The following TRAF3IP1 variants were observed in gnomAD, a reference collection of about 807,000 sequenced individuals.
TRAF3IP1 encodes the protein intraflagellar transport 54, also known as TRAF3-interacting protein 1.
A neutral mutation model predicts 89.9 loss-of-function variants in TRAF3IP1; 53 were observed. That is an observed-to-expected ratio of 0.59 (90% confidence interval 0.47 to 0.74). The LOEUF is 0.74. TRAF3IP1 is among the 30% of genes least tolerant of loss of function. The pLI is 0.00. For synonymous variants in TRAF3IP1, 311 were observed against 322.1 expected, an observed-to-expected ratio of 0.97 and a Z score of 0.37; for missense variants, 806 against 866.1, an observed-to-expected ratio of 0.93 and a Z score of 0.87.
At chr2:238,349,590 A>G (rs1229972883) in intron 12 of TRAF3IP1, among the ~76,000 whole-genome samples, 182 bp downstream of exon 12, 1 of 152,224 alleles carries the variant, frequency 6.6e-6, no homozygotes, top group Non-Finnish European at 1.5e-5. Flanking sequence ...CAGATGGATG[A>G]AAGAGAAAAA....
intron 14 of TRAF3IP1, 46 bp from the exon 15 acceptor site, chr2:238,355,958 G>C (rs749039639): frequency 6.9e-7 from 1 of 1,450,264 alleles, no homozygotes; most frequent in South Asian, 1.2e-5. Context: ...TAGGTTTTTG[G>C]GATAGAGAAT....
intron 5 of TRAF3IP1, among the ~76,000 whole-genome samples, chr2:238,330,198 T>TATTAAGGATTAAGG (rs1698052036): frequency 6.6e-6 from 1 of 152,216 alleles, no homozygotes; most frequent in Non-Finnish European, 1.5e-5. Flanking sequence ...ATTGCTCAGT[T>TATTAAGGATTAAGG]ATTAAGGATT....
At chr2:238,360,548 C>T (rs1314595787) in intron 15 of TRAF3IP1, among the ~76,000 whole-genome samples, 2 of 152,184 alleles carry the variant, frequency 1.3e-5, no homozygotes, top group African/African-American at 4.8e-5. Flanking sequence ...ATAAGAGTTT[C>T]AGTTCCTTCA....
chr2:238,332,752 A>G, intron 5 of TRAF3IP1, 72 bp from the exon 6 acceptor site: 1 of 1,170,756 alleles, frequency 8.5e-7, no homozygotes, highest in South Asian at 1.3e-5. Context: ...GTTATAGAAA[A>G]TATCTTGGCA....
At chr2:238,321,468 T>G (rs1413276096) in intron 1 of TRAF3IP1, among the ~76,000 whole-genome samples, 2 of 152,196 alleles carry the variant, frequency 1.3e-5, no homozygotes, top group Non-Finnish European at 2.9e-5. Flanking sequence ...GTAGGGGGAC[T>G]TGGCAGGAAA....
chr2:238,356,083 A>T lies in TRAF3IP1; in HGVS notation c.1689+3A>T. On this transcript the variant is annotated splice_donor_region_variant and intron_variant, in intron 15 of 16. Transcript: ENST00000373327. ...AGTCACCCAAACCTGGGGAGAAGGT[A>T]ATGGAATGATTTCCATAAACACTGG... The T allele has an allele frequency of 6.2e-7, 1 of 1,611,246 alleles. No individual in the cohort carries two copies. The highest frequency in any genetic ancestry group is 8.5e-7 in the Non-Finnish European group (1 of 1,177,606).
chr2:238,340,060 G>C (rs529733110), intron 8 of TRAF3IP1, among the ~76,000 whole-genome samples: 4 of 150,852 alleles, frequency 2.7e-5, no homozygotes, highest in African/African-American at 9.9e-5. Flanking sequence ...GTGGCGGGGC[G>C]GGGGGGTTGG....
chr2:238,369,947 G>A (rs1700037127), intron 15 of TRAF3IP1, among the ~76,000 whole-genome samples: 1 of 152,130 alleles, frequency 6.6e-6, no homozygotes, highest in African/African-American at 2.4e-5. Flanking sequence ...CTTCAAGCTG[G>A]CTTTGTGTCC....
intron 15 of TRAF3IP1, among the ~76,000 whole-genome samples, chr2:238,363,789 G>A (rs951710192): frequency 6.6e-6 from 1 of 152,014 alleles, no homozygotes; most frequent in East Asian, 1.9e-4. Flanking sequence ...GTAAAACCCC[G>A]TCTCTACTAA....
In TRAF3IP1 at chr2:238,397,657, G is replaced by A. The variant is rs1263534166; in HGVS notation, c.1888G>A (p.Glu630Lys). The stretch of plus-strand genomic sequence containing the variant: ...GCACAGCGAGAACAGGCAGCACGCC[G>A]AGGCCCTGCAGCAGGAGCAGAGGTG... The part of the protein sequence containing the change: ...MWHSENRQHA[E>K]ALQQEQRITD... Residue 630 changes from glutamate (E) to lysine (K), a missense_variant, in exon 16 of 17, where the codon GAG becomes AAG. Coordinates refer to ENST00000373327, the MANE Select transcript of TRAF3IP1 (RefSeq NM_015650.4). 2 of 1,611,966 alleles carry A rather than the reference G, an allele frequency of 1.2e-6. No individual in the cohort carries two copies. Among genetic ancestry groups the A allele is most frequent in the Admixed American group, 1.7e-5 (1 of 59,964 alleles).
At chr2:238,394,682 G>A (rs557465453) in intron 15 of TRAF3IP1, among the ~76,000 whole-genome samples, 1 of 152,216 alleles carries the variant, frequency 6.6e-6, no homozygotes, top group East Asian at 1.9e-4. Context: ...TGAGTTTTAC[G>A]TTTTACTTAA....
intron 5 of TRAF3IP1, among the ~76,000 whole-genome samples, chr2:238,332,549 T>A (rs1698178031): frequency 6.6e-6 from 1 of 152,168 alleles, no homozygotes; most frequent in African/African-American, 2.4e-5. Context: ...GGATTCGTGT[T>A]CTGTGTAGCT....
rs112665594 is a variant in TRAF3IP1, at chr2:238,388,311, G to A, written c.1690-9148G>A. On this transcript the variant is annotated intron_variant, in intron 15 of 16. Transcript: ENST00000373327. ...AATCACTTGAACTGGGGAGGCGGAA[G>A]TTGCAGTGAGCTGAGATCGCGCCAC... is the stretch of plus-strand genomic sequence containing the variant. 5.0e-3 allele frequency among the ~76,000 whole-genome samples: 741 copies of A among 148,448 alleles called. 8 individuals are homozygous for A. The highest frequency in any genetic ancestry group is 0.018 in the African/African-American group (714 of 40,568).
At chr2:238,374,402 G>A (rs550329433) in intron 15 of TRAF3IP1, among the ~76,000 whole-genome samples, 3 of 151,828 alleles carry the variant, frequency 2.0e-5, no homozygotes, top group South Asian at 2.1e-4. Flanking sequence ...GGTTTTTGTC[G>A]GTTCTGTTTA....
rs1701357058 is a variant in TRAF3IP1 at position 238,398,831 on chromosome 2, A to G, written c.1988A>G (p.Lys663Arg). The G allele has an allele frequency of 1.2e-6, 2 of 1,613,580 alleles. No individual in the cohort carries two copies. The highest frequency in any genetic ancestry group is 1.7e-6 in the Non-Finnish European group (2 of 1,179,750). Residue 663 changes from lysine (K) to arginine (R), a missense_variant, in exon 17 of 17, where the codon AAG (lysine) becomes AGG (arginine). Coordinates refer to ENST00000373327, the MANE Select transcript of TRAF3IP1 (RefSeq NM_015650.4). ...LEQLIKDQQD[K>R]ICAVKANILK... The stretch of plus-strand genomic sequence containing the variant: ...CAGCTGATCAAAGACCAGCAAGACA[A>G]GATCTGTGCTGTGAAGGCCAACATC...
Position 238,400,035 on chromosome 2 carries a change from T to C in TRAF3IP1, c.*1116T>C, listed in dbSNP as rs1701399553. The C allele has an allele frequency of 6.6e-6, 1 of 152,170 alleles. No homozygotes were observed. Among genetic ancestry groups the C allele is most frequent in the South Asian group, 2.1e-4 (1 of 4,832 alleles). The allele number at this position is 152,170 out of a possible 1,614,324, so 9.4% of individuals were successfully genotyped here. A position where few individuals can be genotyped will look rare whatever the true frequency, so the allele number is the denominator to read the frequency against. On this transcript the variant is annotated 3_prime_UTR_variant, in exon 17 of 17. Coordinates refer to ENST00000373327, the MANE Select transcript of TRAF3IP1 (RefSeq NM_015650.4). ...CTAATACTTTTAAATAGTGTATTTA[T>C]TATGTAAACTGAGGAGTGCCATTTA...
At chr2:238,327,983 C>T (rs1697921028) in intron 3 of TRAF3IP1, among the ~76,000 whole-genome samples, 1 of 152,158 alleles carries the variant, frequency 6.6e-6, no homozygotes, top group Admixed American at 6.5e-5. Context: ...TTTATCCACT[C>T]AACTGTCAAT....
chr2:238,348,743 A>C, intron 10 of TRAF3IP1, 21 bp from the exon 11 acceptor site: 1 of 1,606,636 alleles, frequency 6.2e-7, no homozygotes, highest in Non-Finnish European at 8.5e-7. Context: ...GTGAATTGCT[A>C]ATTGATTGTC....
Position 238,333,997 on chromosome 2 carries a change from CA to C in TRAF3IP1, c.1030del (p.Thr344HisfsTer23). 1.2e-6 allele frequency: 2 copies of C among 1,609,738 alleles called. No individual in the cohort carries two copies. The highest frequency in any genetic ancestry group is 8.5e-7 in the Non-Finnish European group (1 of 1,177,924). Reference sequence around the variant, plus strand: ...ACTAGAGCTTCCAAGTCATTGACAACAAAAACATCAAAACGGCGATCCAAAA... The same window carrying C: ...ACTAGAGCTTCCAAGTCATTGACAACAAAACATCAAAACGGCGATCCAAAA... The part of the protein sequence containing the change: ...ISTRASKSLT[T>X]KTSKRRSKNS... On this transcript the variant is annotated frameshift_variant, in exon 7 of 17. Transcript: ENST00000373327. LOFTEE classifies it high-confidence loss of function.
Sources: gnomAD v4.1 joint callset for allele counts (sites outside exome capture counted in the v4.1 genomes callset) on GRCh38, gnomAD v4.1.1 for gene constraint, MANE v1.5 for transcripts, NCBI Gene and HGNC (gene_info 2026-07-23, HGNC 2026-07-21) for gene names.